The following DDR2 variants were observed in gnomAD, a reference collection of about 807,000 sequenced individuals.
DDR2 encodes the protein discoidin domain receptor tyrosine kinase 2, also known as discoidin domain-containing receptor 2.
Under a neutral mutation model 94.9 loss-of-function variants are expected in DDR2, and 27 were observed. That is an observed-to-expected ratio of 0.28 (90% CI 0.21 to 0.39). DDR2 has a LOEUF of 0.39. Among genes scored for constraint, DDR2 ranks in the 10% least tolerant of loss-of-function variants. The probability of loss-of-function intolerance (pLI) is 1.00; values close to 1 mark genes in which losing one functional copy is unlikely to be tolerated. For synonymous variants in DDR2, 382 were observed against 377.2 expected (o/e 1.01, Z -0.15); for missense variants, 783 against 1,076.0 (o/e 0.73, Z 3.81).
intron 2 of DDR2, among the ~76,000 whole-genome samples, chr1:162,682,618 T>C (rs1571192345): frequency 6.6e-6 from 1 of 152,328 alleles, no homozygotes; most frequent in Admixed American, 6.5e-5. Context: ...TGGGTTCAAA[T>C]TCCAATTCTA....
In DDR2 at chr1:162,784,241, T is replaced by C. The variant is rs980560216; in HGVS notation, c.*3995T>C. ...GGAGTGTCCGCAAAATGGAAAGAGATGAAGATGTTCCAAGGAAGTATGCTG... is the reference window on the plus strand; with the variant it reads ...GGAGTGTCCGCAAAATGGAAAGAGACGAAGATGTTCCAAGGAAGTATGCTG... On this transcript the variant is annotated 3_prime_UTR_variant, in exon 18 of 18. Coordinates refer to ENST00000367921, the MANE Select transcript of DDR2 (RefSeq NM_006182.4). The C allele has an allele frequency of 6.5e-6, 1 of 153,694 alleles. No individual in the cohort carries two copies. The highest frequency in any genetic ancestry group is 2.4e-5 in the African/African-American group (1 of 41,446). The allele number at this position is 153,694 out of a possible 1,614,324, so 9.5% of individuals were successfully genotyped here.
At chr1:162,767,184 A>C (rs202199967) in intron 10 of DDR2, 45 bp from the exon 11 acceptor site, 89 of 1,613,566 alleles carry the variant, frequency 5.5e-5, no homozygotes, top group Non-Finnish European at 6.6e-5. Flanking sequence ...CTTTTACTTG[A>C]CCTGTGAGAT....
At chr1:162,725,157 ATTAGTG>A (rs1661595098) in intron 3 of DDR2, among the ~76,000 whole-genome samples, 1 of 152,158 alleles carries the variant, frequency 6.6e-6, no homozygotes, top group Non-Finnish European at 1.5e-5. Flanking sequence ...TCTTATTAGT[ATTAGTG>A]TTATTATATA....
chr1:162,773,672 G>T, intron 14 of DDR2, 76 bp downstream of exon 14: 2 of 1,598,212 alleles, frequency 1.3e-6, no homozygotes, highest in Non-Finnish European at 1.7e-6. Context: ...ATACTTCTGA[G>T]CAATTTTTTC....
intron 7 of DDR2, among the ~76,000 whole-genome samples, chr1:162,758,880 T>A (rs558602939): frequency 6.6e-6 from 1 of 152,292 alleles, no homozygotes; most frequent in African/African-American, 2.4e-5. Flanking sequence ...ATGCAGAGCT[T>A]GAGGAAAGAG....
At chr1:162,657,241 C>T (rs1294402435) in intron 2 of DDR2, among the ~76,000 whole-genome samples, 2 of 152,132 alleles carry the variant, frequency 1.3e-5, no homozygotes, top group Non-Finnish European at 2.9e-5. Context: ...TGCACTCCTC[C>T]ACCCCCACTG....
At chr1:162,685,877 T>C (rs1659662011) in intron 2 of DDR2, among the ~76,000 whole-genome samples, 1 of 152,114 alleles carries the variant, frequency 6.6e-6, no homozygotes, top group African/African-American at 2.4e-5. Flanking sequence ...CCAAAGACCA[T>C]ATGGCTATTA....
At chr1:162,723,170 G>A (rs1465812262) in intron 3 of DDR2, among the ~76,000 whole-genome samples, 1 of 152,186 alleles carries the variant, frequency 6.6e-6, no homozygotes, top group Non-Finnish European at 1.5e-5. Flanking sequence ...CTAGAGGTGG[G>A]GCCAAGAGGT....
upstream of DDR2, among the ~76,000 whole-genome samples, chr1:162,631,851 GCAGCCAA>G (rs1656573444): frequency 6.6e-6 from 1 of 152,006 alleles, no homozygotes. Flanking sequence ...CTCAGAGGCA[GCAGCCAA>G]CTGGGAATTG....
chr1:162,713,047 C>G (rs1660992207), intron 2 of DDR2, among the ~76,000 whole-genome samples: 1 of 152,154 alleles, frequency 6.6e-6, no homozygotes, highest in Admixed American at 6.5e-5. Flanking sequence ...CCGTACTTTT[C>G]TATTGTCAAA....
At chr1:162,742,703 T>G (rs1453862754) in intron 3 of DDR2, among the ~76,000 whole-genome samples, 1 of 152,188 alleles carries the variant, frequency 6.6e-6, no homozygotes, top group Non-Finnish European at 1.5e-5. Flanking sequence ...GATGGTGTAT[T>G]AATCCATTTT....
chr1:162,729,301 T>TATATATA (rs755861408), intron 3 of DDR2, among the ~76,000 whole-genome samples: 14 of 60,110 alleles, frequency 2.3e-4, no homozygotes, highest in South Asian at 6.5e-4. Context: ...TATATATATA[T>TATATATA]TTTTTTTTTT....
chr1:162,773,852 C>T (rs150481917), intron 14 of DDR2, among the ~76,000 whole-genome samples: 1 of 152,334 alleles, frequency 6.6e-6, no homozygotes, highest in East Asian at 1.9e-4. Flanking sequence ...TGCACAAGCA[C>T]TGTACTTGTT....
intron 1 of DDR2, among the ~76,000 whole-genome samples, chr1:162,644,055 A>G (rs1269929609): frequency 1.3e-5 from 2 of 152,148 alleles, no homozygotes; most frequent in Non-Finnish European, 2.9e-5. Context: ...CTTTTTCCCA[A>G]GTGTTTAGGA....
At chr1:162,777,847 A>ACT (rs1647669676) in intron 16 of DDR2, 1 of 152,528 alleles carries the variant, frequency 6.6e-6, no homozygotes, top group Non-Finnish European at 1.5e-5. Context: ...TCTGGCATTA[A>ACT]TATGGTCACC....
intron 1 of DDR2, among the ~76,000 whole-genome samples, chr1:162,643,833 A>G (rs1657270409): frequency 6.6e-6 from 1 of 152,228 alleles, no homozygotes; most frequent in South Asian, 2.1e-4. Flanking sequence ...AAGGAATTTC[A>G]TATTTTTAGA....
intron 3 of DDR2, among the ~76,000 whole-genome samples, chr1:162,751,890 G>T (rs575026202): frequency 1.3e-5 from 2 of 152,110 alleles, no homozygotes; most frequent in African/African-American, 2.4e-5. Flanking sequence ...GCAAACTATC[G>T]CAAGGACTGA....
At chr1:162,643,513 G>C (rs376499267) in intron 1 of DDR2, among the ~76,000 whole-genome samples, 1 of 152,072 alleles carries the variant, frequency 6.6e-6, no homozygotes, top group Admixed American at 6.5e-5. Context: ...ATGGAGTCTC[G>C]CTCTGTCACC....
chr1:162,711,333 G>T (rs1660904161), intron 2 of DDR2, among the ~76,000 whole-genome samples: 1 of 152,176 alleles, frequency 6.6e-6, no homozygotes, highest in Non-Finnish European at 1.5e-5. Flanking sequence ...TATACTGAAT[G>T]TTATTTTAAA....
Sources: gnomAD v4.1 joint callset for allele counts (sites outside exome capture counted in the v4.1 genomes callset) on GRCh38, gnomAD v4.1.1 for gene constraint, MANE v1.5 for transcripts, NCBI Gene and HGNC (gene_info 2026-07-23, HGNC 2026-07-21) for gene names.